Variants in GNG2 observed in about 807,000 individuals in gnomAD.
GNG2 encodes G protein subunit gamma 2, also known as guanine nucleotide-binding protein G(I)/G(S)/G(O) subunit gamma-2.
Under a neutral mutation model 5.5 loss-of-function variants are expected in GNG2, and 5 were observed. That is an observed-to-expected ratio of 0.91 (90% confidence interval 0.48 to 1.92). The LOEUF (loss-of-function observed/expected upper bound fraction) is 1.92. GNG2 is among the 30% of genes most tolerant of loss of function. The pLI, the probability that GNG2 is intolerant of heterozygous loss-of-function variation, is 0.01. For synonymous variants in GNG2, 28 were observed against 32.0 expected (o/e 0.88, Z 0.42); for missense variants, 55 against 88.4 (o/e 0.62, Z 1.52).
intron 2 of GNG2, among the ~76,000 whole-genome samples, chr14:51,887,726 G>A (rs530379984): frequency 6.6e-6 from 1 of 152,170 alleles, no homozygotes; most frequent in East Asian, 1.9e-4. Flanking sequence ...GACCACCTTG[G>A]CAAATTACTG....
chr14:51,941,547 T>A (rs1888318817), intron 2 of GNG2, among the ~76,000 whole-genome samples: 1 of 152,180 alleles, frequency 6.6e-6, no homozygotes, highest in Non-Finnish European at 1.5e-5. Flanking sequence ...CTTAGGGAAG[T>A]CTGTCTGGAT....
At chr14:51,881,294 G>A (rs958997811) in intron 2 of GNG2, among the ~76,000 whole-genome samples, 3 of 152,168 alleles carry the variant, frequency 2.0e-5, no homozygotes, top group African/African-American at 7.2e-5. Flanking sequence ...TTCAAGAAGA[G>A]GTAAATATTA....
chr14:51,884,926 G>A (rs147709625), intron 2 of GNG2, among the ~76,000 whole-genome samples: 7 of 152,164 alleles, frequency 4.6e-5, no homozygotes, highest in Admixed American at 3.9e-4. Flanking sequence ...TCCAACTCGA[G>A]TTGAGAGGAG....
At chr14:51,880,839 T>G (rs1884000872) in intron 2 of GNG2, among the ~76,000 whole-genome samples, 1 of 151,992 alleles carries the variant, frequency 6.6e-6, no homozygotes, top group Non-Finnish European at 1.5e-5. Flanking sequence ...AATATAAATT[T>G]TGAGTGAACC....
At chr14:51,830,989 T>G (rs571196082) in intron 2 of GNG2, among the ~76,000 whole-genome samples, 1 of 152,332 alleles carries the variant, frequency 6.6e-6, no homozygotes, top group East Asian at 1.9e-4. Flanking sequence ...TGCCTCTCTC[T>G]CCTTTGCTCA....
At chr14:51,836,202 C>A (rs1469605215) in intron 2 of GNG2, among the ~76,000 whole-genome samples, 1 of 151,900 alleles carries the variant, frequency 6.6e-6, no homozygotes, top group African/African-American at 2.4e-5. Flanking sequence ...AAGCGTCCAC[C>A]CTCATGACCT....
chr14:51,854,685 G>T (rs1428503834), intron 2 of GNG2, among the ~76,000 whole-genome samples: 1 of 151,904 alleles, frequency 6.6e-6, no homozygotes, highest in Non-Finnish European at 1.5e-5. Flanking sequence ...GCTAATTTTT[G>T]TATTTTTAGT....
chr14:51,959,529 A>C (rs1889467401), intron 3 of GNG2, among the ~76,000 whole-genome samples: 1 of 151,964 alleles, frequency 6.6e-6, no homozygotes. Context: ...ACTTTGTCCC[A>C]CCTCCACTGC....
chr14:51,901,225 G>T (rs76442123), intron 2 of GNG2, among the ~76,000 whole-genome samples: 4,312 of 151,342 alleles, frequency 0.028, 192 homozygotes, highest in African/African-American at 0.091. Flanking sequence ...GACAAAAAAA[G>T]TTGCCCAGGC....
chr14:51,966,054 C>T (rs1376169525), intron 3 of GNG2, among the ~76,000 whole-genome samples: 1 of 151,366 alleles, frequency 6.6e-6, no homozygotes, highest in African/African-American at 2.4e-5. Context: ...ACCAAAAGTA[C>T]AAAAAATTAG....
intron 1 of GNG2, among the ~76,000 whole-genome samples, chr14:51,826,652 A>G (rs982573108): frequency 3.3e-5 from 5 of 152,220 alleles, no homozygotes; most frequent in African/African-American, 1.2e-4. Context: ...AAGGGATAAG[A>G]GGGAAGCAAG....
intron 2 of GNG2, among the ~76,000 whole-genome samples, chr14:51,833,073 T>G (rs1423410805): frequency 1.3e-5 from 2 of 152,164 alleles, no homozygotes; most frequent in African/African-American, 2.4e-5. Context: ...CAGTCAAGAT[T>G]AAAGCTTATG....
At chr14:51,838,413 C>T (rs777230249) in intron 2 of GNG2, among the ~76,000 whole-genome samples, 11 of 151,564 alleles carry the variant, frequency 7.3e-5, no homozygotes, top group Non-Finnish European at 1.6e-4. Flanking sequence ...CACTGCTCTC[C>T]AGCCTGGGCA....
intron 1 of GNG2, among the ~76,000 whole-genome samples, chr14:51,826,494 G>A (rs1405796719): frequency 6.6e-6 from 1 of 152,060 alleles, no homozygotes; most frequent in Non-Finnish European, 1.5e-5. Context: ...TGGTGGTTGG[G>A]AGGCAGGGGT....
chr14:51,862,922 G>T (rs1442530596), intron 1 of GNG2, among the ~76,000 whole-genome samples: 1 of 151,092 alleles, frequency 6.6e-6, no homozygotes, highest in East Asian at 1.9e-4. Flanking sequence ...AAGACTTAAT[G>T]ATTTTTCCTG....
rs147325608 is a variant in GNG2 at position 51,841,773 on chromosome 14, A to C, written c.64+13966A>C. 8.8e-3 allele frequency among the ~76,000 whole-genome samples: 1,337 copies of C among 152,324 alleles called. 62 individuals are homozygous for C. The highest frequency in any genetic ancestry group is 0.076 in the Admixed American group (1,168 of 15,298). On this transcript the variant is annotated intron_variant, in intron 2 of 3. Transcript: ENST00000553432. The stretch of plus-strand genomic sequence containing the variant: ...TAGAGGTAGGTATAGATACAAGGAA[A>C]TGCTTTTCTTTGGGGCCATACGATG...
At chr14:51,889,343 C>T (rs186693265) in intron 2 of GNG2, among the ~76,000 whole-genome samples, 134 of 152,166 alleles carry the variant, frequency 8.8e-4, no homozygotes, top group Non-Finnish European at 1.6e-3. Flanking sequence ...AAACTCCTGA[C>T]CTCAAGTGAT....
chr14:51,842,511 T>G (rs898032760), intron 2 of GNG2, among the ~76,000 whole-genome samples: 8 of 152,200 alleles, frequency 5.3e-5, no homozygotes, highest in African/African-American at 1.9e-4. Flanking sequence ...GGACACCCAC[T>G]GTCCCAGTGC....
At chr14:51,889,270 G>A (rs1295708258) in intron 2 of GNG2, among the ~76,000 whole-genome samples, 3 of 151,916 alleles carry the variant, frequency 2.0e-5, no homozygotes, top group Non-Finnish European at 2.9e-5. Context: ...GTGCCACCAC[G>A]CCCGGCTAAT....
Sources: gnomAD v4.1 joint callset for allele counts (sites outside exome capture counted in the v4.1 genomes callset) on GRCh38, gnomAD v4.1.1 for gene constraint, MANE v1.5 for transcripts, NCBI Gene and HGNC (gene_info 2026-07-23, HGNC 2026-07-21) for gene names.